MEI4: variants seen among roughly 807,000 people sequenced by gnomAD.
MEI4 encodes meiosis-specific protein MEI4.
Under a neutral mutation model 31.4 loss-of-function variants are expected in MEI4, and 27 were observed. The ratio of observed to expected loss-of-function variants is 0.86; its 90% confidence interval spans 0.63 to 1.19. The LOEUF (loss-of-function observed/expected upper bound fraction) is 1.19. MEI4 is among the 50% of genes most tolerant of loss of function. The pLI is 0.00. For synonymous variants in MEI4, 122 were observed against 145.4 expected (o/e 0.84, Z 1.16); for missense variants, 329 against 398.9 (o/e 0.82, Z 1.49).
intron 4 of MEI4, among the ~76,000 whole-genome samples, chr6:77,849,754 T>C (rs1770571836): frequency 6.6e-6 from 1 of 152,146 alleles, no homozygotes; most frequent in Non-Finnish European, 1.5e-5. Context: ...AGTAGCAACT[T>C]AGTGTGATTC....
chr6:77,873,430 T>C (rs1269293395), intron 4 of MEI4, among the ~76,000 whole-genome samples: 1 of 152,188 alleles, frequency 6.6e-6, no homozygotes, highest in Middle Eastern at 3.2e-3. Context: ...TCATGTCCTT[T>C]GCCCACTTTT....
intron 2 of MEI4, among the ~76,000 whole-genome samples, chr6:77,730,394 C>G (rs1419968461): frequency 1.3e-5 from 2 of 152,026 alleles, no homozygotes; most frequent in East Asian, 3.9e-4. Flanking sequence ...CGCCTTCTCT[C>G]ATCCTGACAC....
intron 2 of MEI4, among the ~76,000 whole-genome samples, chr6:77,710,343 GA>G (rs1196348039): frequency 6.6e-6 from 1 of 151,852 alleles, no homozygotes; most frequent in Non-Finnish European, 1.5e-5. Flanking sequence ...CCAACGTGGT[GA>G]AACCCCGTCT....
chr6:77,830,787 A>G (rs1052628945), intron 4 of MEI4, among the ~76,000 whole-genome samples: 1 of 152,096 alleles, frequency 6.6e-6, no homozygotes, highest in African/African-American at 2.4e-5. Flanking sequence ...AAGATCTGAA[A>G]CTATGCAACT....
chr6:77,694,670 C>T (rs1203321626), intron 2 of MEI4, among the ~76,000 whole-genome samples: 3 of 152,090 alleles, frequency 2.0e-5, no homozygotes, highest in African/African-American at 7.2e-5. Flanking sequence ...CGTTGTTGGA[C>T]ATTTGGCTTG....
chr6:77,739,997 G>T (rs1767357605), intron 2 of MEI4, among the ~76,000 whole-genome samples: 1 of 152,032 alleles, frequency 6.6e-6, no homozygotes, highest in Non-Finnish European at 1.5e-5. Flanking sequence ...CTGTTATGTT[G>T]TATCTTTGTT....
At chr6:77,888,822 A>T (rs1046613450) in intron 4 of MEI4, among the ~76,000 whole-genome samples, 1 of 152,118 alleles carries the variant, frequency 6.6e-6, no homozygotes, top group Non-Finnish European at 1.5e-5. Context: ...GGAGGGACCC[A>T]GTGGGAAATA....
intron 4 of MEI4, among the ~76,000 whole-genome samples, chr6:77,905,747 C>T (rs1250776038): frequency 2.0e-5 from 3 of 150,018 alleles, no homozygotes; most frequent in Non-Finnish European, 3.0e-5. Context: ...CTGCCCACCT[C>T]GGCCTCCCAG....
intron 1 of MEI4, among the ~76,000 whole-genome samples, chr6:77,654,112 T>A (rs1399365120): frequency 6.6e-6 from 1 of 152,212 alleles, no homozygotes; most frequent in Non-Finnish European, 1.5e-5. Flanking sequence ...TCTGTTTCAA[T>A]GAAATGTGGT....
intron 2 of MEI4, among the ~76,000 whole-genome samples, chr6:77,733,208 G>T (rs1379211881): frequency 1.3e-5 from 2 of 151,890 alleles, no homozygotes; most frequent in African/African-American, 4.9e-5. Context: ...AATGGTACCA[G>T]CTCCTCCTAG....
chr6:77,735,666 AT>A (rs1407816834), intron 2 of MEI4, among the ~76,000 whole-genome samples: 29 of 152,070 alleles, frequency 1.9e-4, no homozygotes, highest in African/African-American at 7.0e-4. Flanking sequence ...GCTTTGTTCC[AT>A]TGCTGGTGAG....
chr6:77,915,183 G>A (rs755704946), intron 4 of MEI4, among the ~76,000 whole-genome samples: 29 of 151,844 alleles, frequency 1.9e-4, no homozygotes, highest in Non-Finnish European at 1.0e-4. Flanking sequence ...TTTCTGTATC[G>A]GTAACATTTA....
At position 77,923,172 on chromosome 6, in the gene MEI4, C is replaced by G. The variant is rs139873113; in HGVS notation, c.984C>G (p.Thr328=). 9.8e-6 allele frequency: 12 copies of G among 1,230,180 alleles called. No individual in the cohort carries two copies. The highest frequency in any genetic ancestry group is 3.1e-5 in the African/African-American group (2 of 64,190). 76.2% of individuals were successfully genotyped at this position (1,230,180 alleles called of 1,614,324 possible). A position where few individuals can be genotyped will look rare whatever the true frequency, so the allele number is the denominator to read the frequency against. Residue 328 remains threonine (T), a synonymous_variant, in exon 5 of 5, where the codon ACC becomes ACG. Coordinates refer to ENST00000684080, the MANE Select transcript of MEI4 (RefSeq NM_001322247.2). The stretch of plus-strand genomic sequence containing the variant: ...TGGAGCAGCTTCTTCAAAAGGAAAC[C>G]GAAGAAGGCAACACTTCAAGTATAG... ...WVLEQLLQKE[T]EEGNTSSIGH... is the part of the protein sequence containing the mutation.
intron 2 of MEI4, among the ~76,000 whole-genome samples, chr6:77,698,564 ATTCTT>A (rs1451129786): frequency 3.3e-5 from 5 of 152,180 alleles, no homozygotes; most frequent in Admixed American, 3.3e-4. Context: ...TGAGTTGAAA[ATTCTT>A]TTCTTTAAGA....
chr6:77,690,396 T>G (rs1769136327), intron 1 of MEI4, among the ~76,000 whole-genome samples: 1 of 151,994 alleles, frequency 6.6e-6, no homozygotes, highest in African/African-American at 2.4e-5. Context: ...TTAATATGTG[T>G]TTTTTCCATC....
chr6:77,812,209 T>C (rs1054620231), intron 3 of MEI4, among the ~76,000 whole-genome samples: 6 of 152,122 alleles, frequency 3.9e-5, no homozygotes, highest in Non-Finnish European at 7.4e-5. Context: ...AGTTAGACAC[T>C]AGAACATATA....
At chr6:77,794,804 A>G (rs527744852) in intron 3 of MEI4, among the ~76,000 whole-genome samples, 21 of 152,286 alleles carry the variant, frequency 1.4e-4, no homozygotes, top group Non-Finnish European at 2.2e-4. Flanking sequence ...TTTCAAGTCT[A>G]TAAAAAACTT....
intron 3 of MEI4, among the ~76,000 whole-genome samples, chr6:77,827,585 G>T (rs1399938281): frequency 1.3e-5 from 2 of 151,914 alleles, no homozygotes; most frequent in Non-Finnish European, 2.9e-5. Context: ...AGAGTAATCT[G>T]GGAAGAATTA....
At chr6:77,834,019 A>T (rs576056551) in intron 4 of MEI4, among the ~76,000 whole-genome samples, 2 of 152,162 alleles carry the variant, frequency 1.3e-5, no homozygotes, top group East Asian at 3.9e-4. Context: ...CATTTTCTTT[A>T]GTCTATCATT....
Sources: gnomAD v4.1 joint callset for allele counts (sites outside exome capture counted in the v4.1 genomes callset) on GRCh38, gnomAD v4.1.1 for gene constraint, MANE v1.5 for transcripts, NCBI Gene and HGNC (gene_info 2026-07-23, HGNC 2026-07-21) for gene names.